The following FOXJ3 variants were observed in gnomAD, a reference collection of about 807,000 sequenced individuals.
The protein encoded by FOXJ3 is forkhead box protein J3.
A neutral mutation model predicts 76.1 loss-of-function variants in FOXJ3; 22 were observed. That is an observed-to-expected ratio of 0.29 (90% CI 0.21 to 0.41). The LOEUF (loss-of-function observed/expected upper bound fraction) is 0.41, where lower values mean the gene tolerates loss of function less well. FOXJ3 is among the 10% of genes least tolerant of loss of function. FOXJ3 has a pLI of 1.00. For missense variants in FOXJ3, 613 were observed against 762.1 expected (o/e 0.80, Z 2.30); for synonymous variants, 269 against 261.2 (o/e 1.03, Z -0.29).
intron 1 of FOXJ3, among the ~76,000 whole-genome samples, chr1:42,314,135 A>G (rs1654969074): frequency 6.6e-6 from 1 of 151,734 alleles, no homozygotes; most frequent in African/African-American, 2.4e-5. Context: ...CTTAGTCTCT[A>G]TGAGGAATTA....
chr1:42,235,453 C>T (rs546383370), intron 4 of FOXJ3, among the ~76,000 whole-genome samples: 14 of 152,326 alleles, frequency 9.2e-5, no homozygotes, highest in African/African-American at 3.4e-4. Context: ...GAACCCAGTA[C>T]CTCAGTTGGA....
chr1:42,284,252 A>G (rs1652910850), intron 2 of FOXJ3, among the ~76,000 whole-genome samples: 2 of 152,232 alleles, frequency 1.3e-5, no homozygotes, highest in South Asian at 4.1e-4. Flanking sequence ...GAGTTAATAA[A>G]TTCCGATACT....
At chr1:42,203,540 G>A (rs570423821) in intron 6 of FOXJ3, among the ~76,000 whole-genome samples, 6 of 152,296 alleles carry the variant, frequency 3.9e-5, no homozygotes, top group East Asian at 3.9e-4. Flanking sequence ...AGCCTAGGGT[G>A]TATTACCATG....
At chr1:42,296,221 T>A (rs1414056662) in intron 2 of FOXJ3, among the ~76,000 whole-genome samples, 1 of 152,256 alleles carries the variant, frequency 6.6e-6, no homozygotes, top group African/African-American at 2.4e-5. Flanking sequence ...TCCGTGTAGA[T>A]TCTGATGTTC....
At chr1:42,220,281 G>GTT (rs1465830040) in intron 5 of FOXJ3, among the ~76,000 whole-genome samples, 1 of 152,070 alleles carries the variant, frequency 6.6e-6, no homozygotes, top group African/African-American at 2.4e-5. Flanking sequence ...AACATACACC[G>GTT]TGAGTCTACT....
intron 5 of FOXJ3, among the ~76,000 whole-genome samples, chr1:42,211,930 GACACAGTTGAATC>G (rs1215841472): frequency 6.6e-6 from 1 of 152,254 alleles, no homozygotes; most frequent in Middle Eastern, 3.4e-3. Flanking sequence ...GAAATGAAAA[GACACAGTTGAATC>G]AAAAATAAAT....
chr1:42,282,956 G>A (rs531393951), intron 2 of FOXJ3, among the ~76,000 whole-genome samples: 2 of 152,266 alleles, frequency 1.3e-5, no homozygotes, highest in African/African-American at 2.4e-5. Flanking sequence ...GAAGGTATGC[G>A]TGTGCTCCTC....
chr1:42,269,096 G>A (rs1373362879), intron 3 of FOXJ3, among the ~76,000 whole-genome samples: 1 of 151,974 alleles, frequency 6.6e-6, no homozygotes, highest in Non-Finnish European at 1.5e-5. Flanking sequence ...TCTTTTTGTT[G>A]TTATAGCAGC....
At chr1:42,258,619 A>G (rs976371215) in intron 4 of FOXJ3, among the ~76,000 whole-genome samples, 26 of 152,228 alleles carry the variant, frequency 1.7e-4, no homozygotes, top group Non-Finnish European at 1.0e-4. Context: ...TTTTAAATAC[A>G]TTGATCATCA....
intron 11 of FOXJ3, among the ~76,000 whole-genome samples, chr1:42,184,110 A>C (rs1449977321): frequency 2.0e-5 from 3 of 152,114 alleles, no homozygotes; most frequent in Non-Finnish European, 4.4e-5. Context: ...ATCGGTCTTC[A>C]CATGCACGCC....
intron 10 of FOXJ3, 26 bp downstream of exon 10, chr1:42,189,277 A>G (rs201775262): frequency 1.4e-6 from 2 of 1,389,106 alleles, no homozygotes. Context: ...GTATTTGGTT[A>G]TATGTCAAAA....
chr1:42,289,004 A>AT (rs1198540222), intron 2 of FOXJ3, among the ~76,000 whole-genome samples: 1 of 152,012 alleles, frequency 6.6e-6, no homozygotes, highest in Admixed American at 6.6e-5. Flanking sequence ...GACTTTTGTT[A>AT]TTTTTTATGT....
intron 3 of FOXJ3, among the ~76,000 whole-genome samples, chr1:42,270,455 A>T (rs1301360340): frequency 1.3e-5 from 2 of 152,310 alleles, no homozygotes; most frequent in African/African-American, 4.8e-5. Flanking sequence ...TGTTGGAAAA[A>T]AAATACCTAA....
intron 2 of FOXJ3, among the ~76,000 whole-genome samples, chr1:42,299,909 A>C (rs1654027903): frequency 6.6e-6 from 1 of 151,924 alleles, no homozygotes; most frequent in African/African-American, 2.4e-5. Context: ...CTCCATCTTA[A>C]AATATATATA....
intron 2 of FOXJ3, among the ~76,000 whole-genome samples, chr1:42,296,570 T>C (rs918299390): frequency 6.6e-6 from 1 of 152,258 alleles, no homozygotes; most frequent in Non-Finnish European, 1.5e-5. Context: ...TAATGTCCTT[T>C]CTCCACTGTT....
intron 11 of FOXJ3, among the ~76,000 whole-genome samples, chr1:42,182,975 A>AATGATC: frequency 6.6e-6 from 1 of 151,676 alleles, no homozygotes. Context: ...AGCAATGATG[A>AATGATC]TTAAAAACAT....
intron 2 of FOXJ3, among the ~76,000 whole-genome samples, chr1:42,309,453 G>T (rs922136725): frequency 6.6e-6 from 1 of 152,102 alleles, no homozygotes; most frequent in Admixed American, 6.6e-5. Flanking sequence ...CTTAGGACTG[G>T]CCTGTCTAAA....
At chr1:42,259,204 T>C (rs1430236512) in intron 4 of FOXJ3, among the ~76,000 whole-genome samples, 1 of 152,094 alleles carries the variant, frequency 6.6e-6, no homozygotes, top group East Asian at 1.9e-4. Flanking sequence ...GGCAAAATTA[T>C]AGGGACACAA....
At chr1:42,194,789 T>C (rs1460136255) in intron 8 of FOXJ3, 101 bp downstream of exon 8, 3 of 733,226 alleles carry the variant, frequency 4.1e-6, no homozygotes, top group African/African-American at 1.8e-5. Context: ...ATTGTGATGA[T>C]AATATTCTAA....
Sources: allele counts gnomAD v4.1 joint callset (sites outside exome capture counted in the v4.1 genomes callset), GRCh38; gene constraint gnomAD v4.1.1; transcripts MANE v1.5; gene names NCBI Gene and HGNC (gene_info 2026-07-23, HGNC 2026-07-21).